Variants in MICALL2 observed in about 807,000 individuals in gnomAD.
MICALL2 encodes the protein MICAL-like protein 2.
A neutral mutation model predicts 91.1 loss-of-function variants in MICALL2; 111 were observed. The ratio of observed to expected loss-of-function variants is 1.22; its 90% confidence interval spans 1.04 to 1.43. The LOEUF is 1.43. MICALL2 is among the 40% of genes most tolerant of loss of function. The probability of loss-of-function intolerance (pLI) is 0.00; values close to 1 mark genes in which losing one functional copy is unlikely to be tolerated. For synonymous variants in MICALL2, 694 were observed against 525.3 expected (o/e 1.32, Z -4.39); for missense variants, 1,556 against 1,236.0 (o/e 1.26, Z -3.88).
chr7:1,447,438 G>C lies in MICALL2; in HGVS notation c.525+137C>G, dbSNP rs1584224429. Reference sequence around the variant, plus strand: ...CCCGGTCCTGGCGGCTCTTGCTAAGGCTGAGCCCTGGACTGGGGGAGCCGC... The same window carrying C: ...CCCGGTCCTGGCGGCTCTTGCTAAGCCTGAGCCCTGGACTGGGGGAGCCGC... On this transcript the variant is annotated intron_variant, in intron 4 of 16. Coordinates refer to ENST00000297508, the MANE Select transcript of MICALL2 (RefSeq NM_182924.4). 5.4e-5 allele frequency: 32 copies of C among 588,882 alleles called. No homozygotes were observed. The South Asian group carries it at 6.6e-4, about 12-fold the overall frequency. The allele number at this position is 588,882 out of a possible 1,614,324, so 36.5% of individuals were successfully genotyped here. A position where few individuals can be genotyped will look rare whatever the true frequency, so the allele number is the denominator to read the frequency against.
At chr7:1,443,853 G>A (rs1376547154) in intron 6 of MICALL2, among the ~76,000 whole-genome samples, 2 of 152,226 alleles carry the variant, frequency 1.3e-5, no homozygotes, top group African/African-American at 2.4e-5. Flanking sequence ...AAGCCGCCCA[G>A]TGAGGGGGTC....
chr7:1,439,604 T>TCACACACA (rs57271852), intron 9 of MICALL2: 1 of 290,892 alleles, frequency 3.4e-6, no homozygotes, highest in African/African-American at 2.2e-5. Flanking sequence ...TACACATGCA[T>TCACACACA]CACACATCAC....
chr7:1,444,937 C>T lies in MICALL2; in HGVS notation c.1133G>A (p.Gly378Asp), dbSNP rs1173236695. 6.6e-7 allele frequency: 1 copy of T among 1,518,370 alleles called. No individual in the cohort carries two copies. The highest frequency in any genetic ancestry group is 2.0e-5 in the Admixed American group (1 of 49,526). 94.1% of individuals were successfully genotyped at this position (1,518,370 alleles called of 1,614,324 possible). A position where few individuals can be genotyped will look rare whatever the true frequency, so the allele number is the denominator to read the frequency against. ...APDPRPATPQ[G>D]GGAPRVAAPQ... Reference sequence around the variant, plus strand: ...AGCTGCCACTCGGGGGGCTCCCCCACCCTGGGGTGTGGCCGGGCGAGGGTC... The same window carrying T: ...AGCTGCCACTCGGGGGGCTCCCCCATCCTGGGGTGTGGCCGGGCGAGGGTC... Residue 378 changes from glycine to aspartate, a missense_variant, in exon 6 of 17, where the codon GGT (glycine) becomes GAT (aspartate). Gly to Asp is a moderately conservative substitution (Grantham distance 94, BLOSUM62 -1). Coordinates refer to ENST00000297508, the MANE Select transcript of MICALL2 (RefSeq NM_182924.4).
At chr7:1,446,928 G>T (rs540491554) in intron 4 of MICALL2, 100 bp from the exon 5 acceptor site, 14 of 856,142 alleles carry the variant, frequency 1.6e-5, no homozygotes, top group Admixed American at 1.6e-4. Context: ...TACAGATGGA[G>T]AACTGGCCAG....
chr7:1,452,822 G>A lies in MICALL2; in HGVS notation c.144-2534C>T, dbSNP rs369200872. Among the ~76,000 whole-genome samples the A allele has an allele frequency of 4.7e-4, 71 of 152,212 alleles. No homozygotes were observed. The highest frequency in any genetic ancestry group is 1.2e-3 in the African/African-American group (48 of 41,528). ...ATGAGGTTCAAGCTGCATTCGGGGC[G>A]TTTGAGGCCTATTCAACTGGGCTGC... On this transcript the variant is annotated intron_variant, in intron 1 of 16. Coordinates refer to ENST00000297508, the MANE Select transcript of MICALL2 (RefSeq NM_182924.4). The surrounding 1 kb of genome is among the most constrained non-coding windows in gnomAD (Gnocchi z 6.2).
chr7:1,458,973 G>A (rs1162116612), intron 1 of MICALL2, among the ~76,000 whole-genome samples: 1 of 152,170 alleles, frequency 6.6e-6, no homozygotes, highest in Non-Finnish European at 1.5e-5. Context: ...GCCGGCGGGC[G>A]GGGGATGCCA....
rs377467500 is a variant in MICALL2 at position 1,443,896 on chromosome 7, G to A, written c.1418+756C>T. 5.9e-5 allele frequency among the ~76,000 whole-genome samples: 9 copies of A among 152,162 alleles called. No individual in the cohort carries two copies. In the South Asian group the frequency reaches 6.2e-4, roughly 11 times the overall value. On this transcript the variant is annotated intron_variant, in intron 6 of 16. Coordinates refer to ENST00000297508, the MANE Select transcript of MICALL2 (RefSeq NM_182924.4). ...ACTGATGCAGCGCCCCCCTCTACCCGTCCACGTCATCTGCTCAGGGTCCAG... is the reference window on the plus strand; with the variant it reads ...ACTGATGCAGCGCCCCCCTCTACCCATCCACGTCATCTGCTCAGGGTCCAG...
rs746434154 is a variant in MICALL2 at position 1,450,285 on chromosome 7, G to A, written c.147C>T (p.Asn49=). 1.9e-6 allele frequency: 3 copies of A among 1,612,844 alleles called. No individual in the cohort carries two copies. The South Asian group carries it at 3.3e-5, about 18-fold the overall frequency. ...ILHRHRPDLI[N]FSALKKENIY... ...TATTTTCCTTCTTGAGAGCACTGAAGTTTCTGGAAGATAAAAACATGATGT... is the reference window on the plus strand; with the variant it reads ...TATTTTCCTTCTTGAGAGCACTGAAATTTCTGGAAGATAAAAACATGATGT... The change falls in exon 2 of 17, where the codon AAC becomes AAT. Residue 49 remains asparagine, a synonymous_variant. Transcript: ENST00000297508.
At chr7:1,442,945 GAC>G (rs1168531289) in intron 6 of MICALL2, among the ~76,000 whole-genome samples, 1 of 152,060 alleles carries the variant, frequency 6.6e-6, no homozygotes, top group Admixed American at 6.5e-5. Flanking sequence ...GGCCCCGCCA[GAC>G]ACACAGACAC....
intron 5 of MICALL2, 54 bp from the exon 6 acceptor site, chr7:1,445,482 C>T: frequency 7.0e-7 from 1 of 1,426,318 alleles, no homozygotes; most frequent in African/African-American, 1.4e-5. Flanking sequence ...CCCCGCCACG[C>T]ATTCACCACG....
Position 1,447,581 on chromosome 7 carries a change from G to C in MICALL2, c.519C>G (p.Pro173=), listed in dbSNP as rs908341303. 4.5e-6 allele frequency: 7 copies of C among 1,557,286 alleles called. No individual in the cohort carries two copies. Among genetic ancestry groups the C allele is most frequent in the African/African-American group, 4.1e-5 (3 of 73,610 alleles). The part of the protein sequence containing the change: ...RRNEGAGGPP[P]KTDQALAGSL... ...GGGTGGGGTGGGAGCTTACAGTCTT[G>C]GGGGGCGGGCCCCCTGCACCCTCAT... is the stretch of plus-strand genomic sequence containing the variant. The change falls in exon 4 of 17, where the codon CCC becomes CCG. Residue 173 remains proline, a synonymous_variant. Transcript: ENST00000297508.
At chr7:1,435,169 A>G in intron 15 of MICALL2, 22 bp from the exon 16 acceptor site, 4 of 1,612,942 alleles carry the variant, frequency 2.5e-6, no homozygotes, top group South Asian at 1.1e-5. Context: ...CCAGATGGCC[A>G]TGAGCGACAA....
intron 10 of MICALL2, chr7:1,438,616 G>A (rs1027868648): frequency 1.2e-5 from 17 of 1,420,614 alleles, no homozygotes; most frequent in Non-Finnish European, 1.4e-5. Flanking sequence ...GCCAGAAGCA[G>A]ACATTCCATC....
At position 1,440,452 on chromosome 7, in the gene MICALL2, G is replaced by C. The variant is rs536093807; in HGVS notation, c.1805+139C>G. On this transcript the variant is annotated intron_variant, in intron 8 of 16. Transcript: ENST00000297508. ...AGCGGCCCCCATGTCCCTCAGGCAGGGGTGACCTGGCCTCTGCTACTCACA... is the reference window on the plus strand; with the variant it reads ...AGCGGCCCCCATGTCCCTCAGGCAGCGGTGACCTGGCCTCTGCTACTCACA... 335 of 773,868 alleles carry C rather than the reference G, an allele frequency of 4.3e-4. 5 individuals carry two copies. In the South Asian group the frequency reaches 5.0e-3, roughly 12 times the overall value. 47.9% of individuals were successfully genotyped at this position (773,868 alleles called of 1,614,324 possible). A position where few individuals can be genotyped will look rare whatever the true frequency, so the allele number is the denominator to read the frequency against.
intron 1 of MICALL2, among the ~76,000 whole-genome samples, chr7:1,454,627 G>A (rs1253824550): frequency 6.6e-6 from 1 of 152,230 alleles, no homozygotes; most frequent in Non-Finnish European, 1.5e-5. Context: ...GGCGGCCACA[G>A]AGGTCTGGCT....
Position 1,448,528 on chromosome 7 carries a change from G to T in MICALL2, c.334+92C>A, listed in dbSNP as rs980112107. On this transcript the variant is annotated intron_variant, in intron 3 of 16. Transcript: ENST00000297508. ...GGGCCATTCTTGGGGGGGGGGCTGG[G>T]CATGGACCCCAAAAAGTCCACAGGC... 8.7e-6 allele frequency: 11 copies of T among 1,266,908 alleles called. No individual in the cohort carries two copies. In the African/African-American group the frequency reaches 1.0e-4, roughly 12 times the overall value. The allele number at this position is 1,266,908 out of a possible 1,614,324, so 78.5% of individuals were successfully genotyped here.
At position 1,446,693 on chromosome 7, in the gene MICALL2, C is replaced by G; in HGVS notation, c.641+20G>C. On this transcript the variant is annotated intron_variant, in intron 5 of 16. Coordinates refer to ENST00000297508, the MANE Select transcript of MICALL2 (RefSeq NM_182924.4). ...GAGGGGAGGTGCACACTCAGGCGTG[C>G]GGGCAGAGGGCAGCCCCACCTGAAG... The G allele has an allele frequency of 6.5e-7, 1 of 1,541,288 alleles. No individual in the cohort carries two copies. The highest frequency in any genetic ancestry group is 8.8e-7 in the Non-Finnish European group (1 of 1,133,558).
intron 15 of MICALL2, among the ~76,000 whole-genome samples, chr7:1,435,374 G>A (rs568871691): frequency 6.7e-6 from 1 of 148,660 alleles, no homozygotes; most frequent in African/African-American, 2.6e-5. Context: ...GTACAGGAGG[G>A]CCCTGGGCCG....
In MICALL2 at chr7:1,445,319, T is replaced by C. The variant is rs1020436144; in HGVS notation, c.751A>G (p.Lys251Glu). ...TGTCGGGGGACCAGACCCGTCAACT[T>C]GGGGCTTGCAGAGGCGGCTGCGGGG... ...HLPAAASASP[K>E]LTGLVPRQPG... The change falls in exon 6 of 17, where the codon AAG becomes GAG. Residue 251 changes from lysine to glutamate, a missense_variant. Lys to Glu is a moderately conservative substitution (Grantham distance 56, BLOSUM62 1). Coordinates refer to ENST00000297508, the MANE Select transcript of MICALL2 (RefSeq NM_182924.4). The C allele has an allele frequency of 1.2e-6, 2 of 1,611,004 alleles. No homozygotes were observed. Among genetic ancestry groups the C allele is most frequent in the Non-Finnish European group, 1.7e-6 (2 of 1,179,702 alleles).
Sources: allele counts gnomAD v4.1 joint callset (sites outside exome capture counted in the v4.1 genomes callset), GRCh38; gene constraint gnomAD v4.1.1; non-coding constraint Gnocchi (gnomAD v3.1); transcripts MANE v1.5; gene names NCBI Gene and HGNC (gene_info 2026-07-23, HGNC 2026-07-21).